JADE3: variants seen among roughly 807,000 people sequenced by gnomAD.
The protein encoded by JADE3 is jade family PHD finger 3, also known as protein Jade-3.
JADE3 carries 2 observed loss-of-function variants against 50.1 expected under a neutral mutation model. That is an observed-to-expected ratio of 0.04 (90% CI 0.02 to 0.13). JADE3 has a LOEUF of 0.13. Among genes scored for constraint, JADE3 ranks in the 10% least tolerant of loss-of-function variants. The pLI is 1.00. For missense variants in JADE3, 475 were observed against 634.4 expected (o/e 0.75, Z 2.70); for synonymous variants, 218 against 232.9 (o/e 0.94, Z 0.58).
intron 1 of JADE3, among the ~76,000 whole-genome samples, chrX:46,917,350 A>G (rs782777360): frequency 1.8e-5 from 2 of 111,503 alleles, no homozygotes; most frequent in African/African-American, 6.5e-5. Flanking sequence ...AACAGCAGCA[A>G]TGATTTCTTA....
intron 1 of JADE3, among the ~76,000 whole-genome samples, chrX:46,982,376 C>T (rs903565659): frequency 1.7e-4 from 19 of 110,987 alleles, no homozygotes; most frequent in African/African-American, 6.2e-4. Flanking sequence ...TCATACCTTC[C>T]TTTACTTCTT....
intron 1 of JADE3, among the ~76,000 whole-genome samples, chrX:46,917,116 G>C (rs190459604): frequency 1.1e-4 from 12 of 109,967 alleles, no homozygotes; most frequent in Non-Finnish European, 2.3e-4. Context: ...TATCTCTGAG[G>C]GTGGTAGTGA....
At position 47,058,674 on chromosome X, in the gene JADE3, A is replaced by G. The variant is rs1556374072; in HGVS notation, c.2069A>G (p.Gln690Arg). 6 of 1,211,728 alleles carry G rather than the reference A, an allele frequency of 5.0e-6. No homozygotes were observed. In the South Asian group the frequency reaches 8.8e-5, roughly 18 times the overall value. The change falls in exon 11 of 11, where the codon CAG becomes CGG. Residue 690 changes from glutamine (Q) to arginine (R), a missense_variant. This residue lies in a region of JADE3 where 243 missense variants were observed against 238.2 expected (regional missense o/e 1.02). Transcript: ENST00000614628. ...KDSSSEMFCD[Q>R]EPVFSPHLVS... ...AGCTCGAGTGAGATGTTCTGTGACC[A>G]GGAGCCTGTGTTCAGCCCCCACTTG...
chrX:46,953,837 C>A (rs1401828335), intron 1 of JADE3, among the ~76,000 whole-genome samples: 1 of 111,818 alleles, frequency 8.9e-6, no homozygotes, highest in African/African-American at 3.3e-5. Flanking sequence ...CCCTGCCTCT[C>A]TGTCGTAGTC....
At chrX:46,997,683 G>A (rs1246110715) in intron 3 of JADE3, among the ~76,000 whole-genome samples, 2 of 112,054 alleles carry the variant, frequency 1.8e-5, no homozygotes, top group African/African-American at 6.5e-5. Flanking sequence ...AGGAAACTAA[G>A]TGAAGGATAT....
intron 6 of JADE3, among the ~76,000 whole-genome samples, chrX:47,031,364 G>A (rs1276602886): frequency 9.0e-6 from 1 of 111,435 alleles, no homozygotes; most frequent in African/African-American, 3.3e-5. Flanking sequence ...CCTACCTAGA[G>A]TCCAGCTTCA....
intron 1 of JADE3, among the ~76,000 whole-genome samples, chrX:46,969,442 A>G (rs1927438535): frequency 8.9e-6 from 1 of 112,355 alleles, no homozygotes; most frequent in Non-Finnish European, 1.9e-5. Context: ...AAAACAAAAC[A>G]GAAAGACTAC....
intron 1 of JADE3, among the ~76,000 whole-genome samples, chrX:46,925,192 T>A (rs1926328592): frequency 8.9e-6 from 1 of 112,517 alleles, no homozygotes; most frequent in African/African-American, 3.2e-5. Flanking sequence ...GAGCCATGGT[T>A]GTTCTTGACA....
At chrX:46,980,323 A>C (rs963004102) in intron 1 of JADE3, among the ~76,000 whole-genome samples, 54 of 111,633 alleles carry the variant, frequency 4.8e-4, no homozygotes, top group African/African-American at 1.6e-3. Flanking sequence ...AAATGACCAA[A>C]ATATTTTCTA....
At chrX:46,924,037 G>A (rs1207375369) in intron 1 of JADE3, among the ~76,000 whole-genome samples, 1 of 111,690 alleles carries the variant, frequency 9.0e-6, no homozygotes, top group Non-Finnish European at 1.9e-5. Flanking sequence ...GCTGCAGTGG[G>A]TATCCACCAG....
At chrX:46,977,973 G>A (rs1474133689) in intron 1 of JADE3, among the ~76,000 whole-genome samples, 1 of 111,675 alleles carries the variant, frequency 9.0e-6, no homozygotes, top group Non-Finnish European at 1.9e-5. Flanking sequence ...TTGGGTGGGG[G>A]CAGCACAGTG....
chrX:46,982,158 C>G (rs1409326515), intron 1 of JADE3, among the ~76,000 whole-genome samples: 1 of 111,097 alleles, frequency 9.0e-6, no homozygotes, highest in Admixed American at 9.6e-5. Context: ...GTTTCTTCTT[C>G]TTTTTTCCAT....
intron 1 of JADE3, among the ~76,000 whole-genome samples, chrX:46,940,568 T>G (rs1413161470): frequency 1.8e-5 from 2 of 111,482 alleles, no homozygotes; most frequent in African/African-American, 6.5e-5. Flanking sequence ...TTTGTGAGGG[T>G]GTTTCTCTAT....
chrX:46,978,466 A>G (rs1927672752), intron 1 of JADE3, among the ~76,000 whole-genome samples: 1 of 111,786 alleles, frequency 8.9e-6, no homozygotes, highest in South Asian at 3.8e-4. Flanking sequence ...GGGTTGGGGA[A>G]AATGGGCTGG....
chrX:47,058,253 C>T lies in JADE3; in HGVS notation c.1648C>T (p.Pro550Ser), dbSNP rs782422747. Residue 550 changes from proline to serine, a missense_variant, in exon 11 of 11, where the codon CCA (proline) becomes TCA (serine). Pro to Ser is a moderately conservative substitution (Grantham distance 74). Around this residue, in one of 6 missense-constraint regions of JADE3, gnomAD observed 243 missense variants for 238.2 expected, o/e 1.02. Transcript: ENST00000614628. ...GAAGTTAAAAATGCCCAAATCAACC[C>T]CAGAAGACCACAGAAACAGCTCCAC... ...TLKLKMPKST[P>S]EDHRNSSTET... 1 of 1,208,044 alleles carries T rather than the reference C, an allele frequency of 8.3e-7. No individual in the cohort carries two copies. The highest frequency in any genetic ancestry group is 1.1e-6 in the Non-Finnish European group (1 of 894,290).
At chrX:46,982,388 A>G (rs1927774837) in intron 1 of JADE3, among the ~76,000 whole-genome samples, 1 of 111,092 alleles carries the variant, frequency 9.0e-6, no homozygotes, top group African/African-American at 3.3e-5. Flanking sequence ...TTACTTCTTT[A>G]ATCATGGTTT....
In JADE3 at chrX:47,034,449, A is replaced by G. The variant is rs1267503040; in HGVS notation, c.855+661A>G. ...GTATATCAATAGTTTATTCCTTTCT[A>G]TTGCTAATATTCCATTGTATGGATA... On this transcript the variant is annotated intron_variant, in intron 7 of 10. Transcript: ENST00000614628. Among the ~76,000 whole-genome samples, 9 of 110,896 alleles carry G rather than the reference A, an allele frequency of 8.1e-5. 1 individual carries two copies. Among genetic ancestry groups the G allele is most frequent in the African/African-American group, 2.6e-4 (8 of 30,451 alleles).
At chrX:46,912,778 G>GGCGGCGGGA (rs1227168178) in intron 1 of JADE3, 59 bp downstream of exon 1, 1 of 112,178 alleles carries the variant, frequency 8.9e-6, no homozygotes, top group Non-Finnish European at 1.9e-5. Flanking sequence ...GCACCGGCTG[G>GGCGGCGGGA]GCGGCGGGAG....
chrX:46,957,584 C>T (rs782004040), intron 1 of JADE3, among the ~76,000 whole-genome samples: 14 of 112,107 alleles, frequency 1.2e-4, no homozygotes, highest in Middle Eastern at 9.2e-3. Context: ...TGCCACATTC[C>T]ATTCCCCTGG....
Sources: gnomAD v4.1 joint callset for allele counts (sites outside exome capture counted in the v4.1 genomes callset) on GRCh38, gnomAD v4.1.1 for gene constraint, gnomAD v4.1.1 regional missense constraint, MANE v1.5 for transcripts, NCBI Gene and HGNC (gene_info 2026-07-23, HGNC 2026-07-21) for gene names.